Variants in SIRPD observed in about 807,000 individuals in gnomAD.
SIRPD encodes the protein signal-regulatory protein delta.
Under a neutral mutation model 18.0 loss-of-function variants are expected in SIRPD, and 21 were observed. The observed-to-expected ratio is 1.17, with a 90% CI of 0.83 to 1.68. The LOEUF (loss-of-function observed/expected upper bound fraction) is 1.68. Among genes scored for constraint, SIRPD ranks in the 40% most tolerant of loss-of-function variants. The pLI is 0.00. For synonymous variants in SIRPD, 106 were observed against 92.9 expected, an observed-to-expected ratio of 1.14 and a Z score of -0.81; for missense variants, 295 against 238.4, an observed-to-expected ratio of 1.24 and a Z score of -1.56.
chr20:1,549,972 T>C (rs921152298), intron 2 of SIRPD, among the ~76,000 whole-genome samples: 6 of 152,238 alleles, frequency 3.9e-5, no homozygotes, highest in Non-Finnish European at 7.3e-5. Flanking sequence ...TGAATGTTAA[T>C]AAAGATATTG....
At position 1,552,092 on chromosome 20, in the gene SIRPD, G is replaced by A. The variant is rs758223389; in HGVS notation, c.74-54C>T. The stretch of plus-strand genomic sequence containing the variant: ...TTTCCCCTGTTCTGGCTTAAGCATG[G>A]GTACGGGTCACGGTTGGGCCTCATT... On this transcript the variant is annotated intron_variant, in intron 1 of 3. Coordinates refer to ENST00000381623, the MANE Select transcript of SIRPD (RefSeq NM_178460.3). The A allele has an allele frequency of 2.0e-6, 3 of 1,468,208 alleles. 1 individual carries two copies. The South Asian group carries it at 3.6e-5, about 18-fold the overall frequency. The allele number at this position is 1,468,208 out of a possible 1,614,324, so 90.9% of individuals were successfully genotyped here.
At position 1,551,793 on chromosome 20, in the gene SIRPD, T is replaced by C. The variant is rs766893988; in HGVS notation, c.319A>G (p.Ile107Val). 7.4e-6 allele frequency: 12 copies of C among 1,614,108 alleles called. No homozygotes were observed. In the South Asian group the frequency reaches 1.1e-4, roughly 15 times the overall value. ...TAGGTGCCAGCATCAGCAAGAGAGA[T>C]TTCACGGATGCGGGTGGAAAAGTCT... ...NTDFSTRIREISLADAGTYYC... is the reference protein window; with the variant it reads ...NTDFSTRIREVSLADAGTYYC... The change falls in exon 2 of 4, where the codon ATC becomes GTC. Residue 107 changes from isoleucine (I) to valine (V), a missense_variant. Ile to Val is a conservative substitution (Grantham distance 29). Coordinates refer to ENST00000381623, the MANE Select transcript of SIRPD (RefSeq NM_178460.3).
chr20:1,553,080 G>A (rs1255011920), intron 1 of SIRPD, among the ~76,000 whole-genome samples: 2 of 152,202 alleles, frequency 1.3e-5, no homozygotes, highest in Non-Finnish European at 2.9e-5. Flanking sequence ...GTGGGGCTGG[G>A]CATGGAAGTC....
At chr20:1,551,009 G>A (rs2091016622) in intron 2 of SIRPD, among the ~76,000 whole-genome samples, 1 of 152,196 alleles carries the variant, frequency 6.6e-6, no homozygotes. Context: ...TGTACTTGCA[G>A]TTCAACACAC....
chr20:1,551,703 C>A lies in SIRPD; in HGVS notation c.409G>T (p.Val137Leu), dbSNP rs756449644. 2 of 1,612,366 alleles carry A rather than the reference C, an allele frequency of 1.2e-6. No individual in the cohort carries two copies. Among genetic ancestry groups the A allele is most frequent in the Non-Finnish European group, 1.7e-6 (2 of 1,178,870 alleles). Residue 137 changes from valine (V) to leucine (L), a missense_variant, in exon 2 of 4, where the codon GTG becomes TTG. Physicochemically the swap from Val to Leu is conservative, Grantham distance 32. Transcript: ENST00000381623. ...KEYQSGRGTQ[V>L]FVTEQNPRPP... ...GAGACATACTCACCAGTAACAAACA[C>A]CTGAGTGCCCCGACCTGATTGGTAC...
intron 2 of SIRPD, among the ~76,000 whole-genome samples, chr20:1,550,900 T>A (rs1195615301): frequency 2.0e-5 from 3 of 152,216 alleles, no homozygotes; most frequent in Admixed American, 1.3e-4. Flanking sequence ...GTATTACCAA[T>A]TTAATAATTT....
intron 2 of SIRPD, among the ~76,000 whole-genome samples, chr20:1,548,338 TC>T (rs2123139509): frequency 6.9e-6 from 1 of 144,038 alleles, no homozygotes; most frequent in African/African-American, 2.5e-5. Flanking sequence ...TTTACCAAAT[TC>T]CTTTTTTTTT....
chr20:1,549,550 A>T (rs1200977943), intron 2 of SIRPD, among the ~76,000 whole-genome samples: 1 of 151,838 alleles, frequency 6.6e-6, no homozygotes, highest in African/African-American at 2.4e-5. Flanking sequence ...GAGTGACTGG[A>T]TGGATTATTT....
chr20:1,546,225 C>T (rs1016682741), intron 2 of SIRPD, among the ~76,000 whole-genome samples: 3 of 152,220 alleles, frequency 2.0e-5, no homozygotes, highest in Non-Finnish European at 1.5e-5. Context: ...CCACAGCTGC[C>T]CCTTCCCCCC....
chr20:1,537,045 C>T, intron 3 of SIRPD, 110 bp downstream of exon 3: 1 of 1,309,576 alleles, frequency 7.6e-7, no homozygotes, highest in East Asian at 2.3e-5. Context: ...AAGAAAGAGG[C>T]CCTAGGACAA....
chr20:1,545,301 G>T (rs1430374972), intron 2 of SIRPD, among the ~76,000 whole-genome samples: 6 of 152,018 alleles, frequency 3.9e-5, no homozygotes, highest in Admixed American at 3.9e-4. Context: ...TTCTTGGAGG[G>T]TTTGTTCATT....
At chr20:1,538,788 G>A (rs1341465835) in intron 2 of SIRPD, among the ~76,000 whole-genome samples, 1 of 152,188 alleles carries the variant, frequency 6.6e-6, no homozygotes, top group Non-Finnish European at 1.5e-5. Flanking sequence ...AAAAGAAGAA[G>A]CTTCCAGATG....
intron 1 of SIRPD, among the ~76,000 whole-genome samples, chr20:1,553,633 G>T (rs2091028463): frequency 6.6e-6 from 1 of 152,178 alleles, no homozygotes; most frequent in South Asian, 2.1e-4. Context: ...TTTAGGCCAT[G>T]CAGTGCACAC....
At position 1,553,250 on chromosome 20, in the gene SIRPD, C is replaced by T. The variant is rs139950965; in HGVS notation, c.74-1212G>A. Among the ~76,000 whole-genome samples, 1,412 of 152,260 alleles carry T rather than the reference C, an allele frequency of 9.3e-3. 53 individuals carry two copies. Among genetic ancestry groups the T allele is most frequent in the Non-Finnish European group, 7.1e-3 (483 of 68,022 alleles). On this transcript the variant is annotated intron_variant, in intron 1 of 3. Coordinates refer to ENST00000381623, the MANE Select transcript of SIRPD (RefSeq NM_178460.3). ...GCCAGGCCATGGTAGGAGATCACAT[C>T]CACTCATTGACTTGTATGGGGAATG...
intron 3 of SIRPD, among the ~76,000 whole-genome samples, chr20:1,536,573 T>A (rs2090946537): frequency 6.6e-6 from 1 of 152,112 alleles, no homozygotes; most frequent in African/African-American, 2.4e-5. Context: ...AAGAACGTAA[T>A]CCTAGGTTTC....
chr20:1,551,449 G>A (rs1197080709), intron 2 of SIRPD, among the ~76,000 whole-genome samples: 1 of 152,208 alleles, frequency 6.6e-6, no homozygotes, highest in Non-Finnish European at 1.5e-5. Context: ...AGTCATGGGG[G>A]TGGATTAAAT....
intron 2 of SIRPD, among the ~76,000 whole-genome samples, chr20:1,543,403 T>G (rs1008162933): frequency 2.6e-5 from 4 of 152,242 alleles, no homozygotes; most frequent in African/African-American, 9.6e-5. Context: ...TTCTAGATTT[T>G]CTAGTTTATT....
chr20:1,552,040 T>A lies in SIRPD; in HGVS notation c.74-2A>T. On this transcript the variant is annotated splice_acceptor_variant, in intron 1 of 3. Coordinates refer to ENST00000381623, the MANE Select transcript of SIRPD (RefSeq NM_178460.3). LOFTEE classifies it high-confidence loss of function. The stretch of plus-strand genomic sequence containing the variant: ...GCACATGGAACACATGTGTGACTCC[T>A]GGAAAAAAGCTGAAAATCATTTCTC... 1 of 1,608,668 alleles carries A rather than the reference T, an allele frequency of 6.2e-7. No homozygotes were observed. Among genetic ancestry groups the A allele is most frequent in the Non-Finnish European group, 8.5e-7 (1 of 1,176,294 alleles).
At chr20:1,556,819 A>G (rs762233668) in intron 1 of SIRPD, among the ~76,000 whole-genome samples, 1 of 152,242 alleles carries the variant, frequency 6.6e-6, no homozygotes, top group Non-Finnish European at 1.5e-5. Context: ...CCACACTTCG[A>G]TTTTGAATAT....
Sources: allele counts gnomAD v4.1 joint callset (sites outside exome capture counted in the v4.1 genomes callset), GRCh38; gene constraint gnomAD v4.1.1; transcripts MANE v1.5; gene names NCBI Gene and HGNC (gene_info 2026-07-23, HGNC 2026-07-21).